Variants in SNX20 observed in about 807,000 individuals in gnomAD.
SNX20 encodes sorting nexin 20.
A neutral mutation model predicts 24.5 loss-of-function variants in SNX20; 21 were observed. That is an observed-to-expected ratio of 0.86 (90% CI 0.61 to 1.23). The LOEUF (loss-of-function observed/expected upper bound fraction) is 1.23. Among genes scored for constraint, SNX20 ranks in the 50% most tolerant of loss-of-function variants. SNX20 has a pLI of 0.00. For missense variants in SNX20, 433 were observed against 430.8 expected (o/e 1.00, Z -0.04); for synonymous variants, 206 against 192.8 (o/e 1.07, Z -0.57).
chr16:50,677,018 C>G (rs1257217966), intron 2 of SNX20, among the ~76,000 whole-genome samples: 1 of 152,222 alleles, frequency 6.6e-6, no homozygotes, highest in Non-Finnish European at 1.5e-5. Context: ...CGTCCCTTCT[C>G]CTATGCAGGG....
rs1442796992 is a variant in SNX20, at chr16:50,673,146, TA to T, written c.*259del. ...AGAGACCCTGTCTCTACTAAAAAATTAAAAATTAGCCTGGTGTGGTGGTGTG... is the reference window on the plus strand; with the variant it reads ...AGAGACCCTGTCTCTACTAAAAAATTAAAATTAGCCTGGTGTGGTGGTGTG... On this transcript the variant is annotated 3_prime_UTR_variant, in exon 4 of 4. Transcript: ENST00000330943. The surrounding 1 kb of genome is among the most constrained non-coding windows in gnomAD (Gnocchi z 4.1). The T allele has an allele frequency of 7.3e-6, 3 of 409,784 alleles. No homozygotes were observed. The highest frequency in any genetic ancestry group is 6.2e-5 in the African/African-American group (3 of 48,480). 25.4% of individuals were successfully genotyped at this position (409,784 alleles called of 1,614,324 possible).
intron 1 of SNX20, among the ~76,000 whole-genome samples, chr16:50,679,765 C>G (rs533244278): frequency 7.2e-5 from 11 of 152,322 alleles, no homozygotes; most frequent in Admixed American, 5.2e-4. Flanking sequence ...TACATTCTGA[C>G]TGGTGCCTAA....
rs1336337263 is a variant in SNX20, at chr16:50,673,941, T to G, written c.416A>C (p.Glu139Ala). The change falls in exon 4 of 4, where the codon GAG becomes GCG. Residue 139 changes from glutamate to alanine, a missense_variant. Physicochemically the swap from Glu to Ala is moderately radical, Grantham distance 107. Transcript: ENST00000330943. This position sits in a 1 kb window ranked among gnomAD's most constrained non-coding sequence, Gnocchi z 4.1. ...KTFREEIEDV[E>A]FPRKHLTGNF... Reference sequence around the variant, plus strand: ...CCCAGTCAGGTGCTTCCTGGGAAACTCCACGTCTTCGATCTCCTCCCTGAA... The same window carrying G: ...CCCAGTCAGGTGCTTCCTGGGAAACGCCACGTCTTCGATCTCCTCCCTGAA... 4.3e-6 allele frequency: 7 copies of G among 1,613,016 alleles called. No individual in the cohort carries two copies. Among genetic ancestry groups the G allele is most frequent in the Non-Finnish European group, 5.9e-6 (7 of 1,179,740 alleles).
chr16:50,668,172 T>G, downstream of SNX20: 1 of 1,532,088 alleles, frequency 6.5e-7, no homozygotes, highest in South Asian at 1.2e-5. Context: ...TCCAGGGTGC[T>G]TGGGCAAGAC....
Position 50,677,530 on chromosome 16 carries a change from C to T in SNX20, c.-4G>A. On this transcript the variant is annotated 5_prime_UTR_variant, in exon 2 of 4. Transcript: ENST00000330943. The stretch of plus-strand genomic sequence containing the variant: ...CAGGGTGCTCTGGACTTGCCATGCT[C>T]CAAGGCTGCCAGAGGAAAAAGAGAA... The T allele has an allele frequency of 1.3e-6, 2 of 1,565,184 alleles. No homozygotes were observed. Among genetic ancestry groups the T allele is most frequent in the Non-Finnish European group, 1.7e-6 (2 of 1,151,978 alleles).
chr16:50,673,636 C>A lies in SNX20; in HGVS notation c.721G>T (p.Asp241Tyr). ...GCCGCGAAGGCCTCGGCGGGGCGGTCGAGGTCGCGGTGGCACAGCAGCACG... is the reference window on the plus strand; with the variant it reads ...GCCGCGAAGGCCTCGGCGGGGCGGTAGAGGTCGCGGTGGCACAGCAGCACG... Reference protein sequence around the residue: ...CAVLLCHRDLDRPAEAFAAGE... With the variant: ...CAVLLCHRDLYRPAEAFAAGE... The change falls in exon 4 of 4, where the codon GAC becomes TAC. Residue 241 changes from aspartate to tyrosine, a missense_variant. Asp to Tyr is a radical substitution (Grantham distance 160, BLOSUM62 -3). Transcript: ENST00000330943. The surrounding 1 kb of genome is among the most constrained non-coding windows in gnomAD (Gnocchi z 4.1). The A allele has an allele frequency of 1.3e-6, 2 of 1,540,452 alleles. No homozygotes were observed. Among genetic ancestry groups the A allele is most frequent in the Non-Finnish European group, 8.7e-7 (1 of 1,153,148 alleles).
rs1354281948 is a variant in SNX20 at position 50,673,745 on chromosome 16, G to A, written c.612C>T (p.Ala204=). ...GCLRAGQYPR[A]LELLLRVLPL... is the part of the protein sequence containing the mutation. ...GCAGCACGCGCAGCAGCAGCTCCAG[G>A]GCGCGCGGGTACTGGCCGGCCCGCA... The change falls in exon 4 of 4, where the codon GCC becomes GCT. Residue 204 remains alanine (A), a synonymous_variant. Transcript: ENST00000330943. The surrounding 1 kb of genome is among the most constrained non-coding windows in gnomAD (Gnocchi z 4.1). 1.7e-5 allele frequency: 25 copies of A among 1,507,372 alleles called. No homozygotes were observed. Among genetic ancestry groups the A allele is most frequent in the Non-Finnish European group, 2.1e-5 (24 of 1,135,278 alleles). 93.4% of individuals were successfully genotyped at this position (1,507,372 alleles called of 1,614,324 possible).
downstream of SNX20, chr16:50,667,925 A>G: frequency 7.8e-7 from 1 of 1,282,728 alleles, no homozygotes; most frequent in Admixed American, 2.0e-5. Context: ...GGCAACAGCT[A>G]GATGGGTAGG....
downstream of SNX20, chr16:50,668,826 G>A: frequency 7.7e-7 from 1 of 1,294,944 alleles, no homozygotes. Context: ...TTCCAGCTAT[G>A]GGGACAGCCA....
At chr16:50,676,825 C>G (rs1009171246) in intron 2 of SNX20, among the ~76,000 whole-genome samples, 1 of 152,234 alleles carries the variant, frequency 6.6e-6, no homozygotes. Flanking sequence ...GGGCCAGGAA[C>G]AGAGCAGGTA....
At chr16:50,677,265 T>G in intron 2 of SNX20, 132 bp downstream of exon 2, 1 of 1,177,488 alleles carries the variant, frequency 8.5e-7, no homozygotes, top group Non-Finnish European at 1.2e-6. Flanking sequence ...TGTGTCTCAG[T>G]GTCTGTTTTG....
intron 1 of SNX20, among the ~76,000 whole-genome samples, chr16:50,679,627 A>G (rs1229408764): frequency 6.6e-6 from 1 of 152,182 alleles, no homozygotes; most frequent in African/African-American, 2.4e-5. Flanking sequence ...ATCGCCTTCC[A>G]TCCTGACCAA....
Position 50,673,261 on chromosome 16 carries a change from A to G in SNX20, c.*145T>C. The stretch of plus-strand genomic sequence containing the variant: ...GGCTGCAGTGAGACATAATTGAGCC[A>G]CTGCACTTCAGTCTGGGTGACAGAG... On this transcript the variant is annotated 3_prime_UTR_variant, in exon 4 of 4. Coordinates refer to ENST00000330943, the MANE Select transcript of SNX20 (RefSeq NM_182854.4). This position sits in a 1 kb window ranked among gnomAD's most constrained non-coding sequence, Gnocchi z 4.1. The G allele has an allele frequency of 1.2e-5, 15 of 1,272,784 alleles. No individual in the cohort carries two copies. The highest frequency in any genetic ancestry group is 1.5e-5 in the Non-Finnish European group (15 of 1,003,924). The allele number at this position is 1,272,784 out of a possible 1,614,324, so 78.8% of individuals were successfully genotyped here. A position where few individuals can be genotyped will look rare whatever the true frequency, so the allele number is the denominator to read the frequency against.
In SNX20 at chr16:50,673,962, C is replaced by G; in HGVS notation, c.395G>C (p.Arg132Thr). The G allele has an allele frequency of 6.2e-7, 1 of 1,613,430 alleles. No homozygotes were observed. The change falls in exon 4 of 4, where the codon AGG becomes ACG. Residue 132 changes from arginine (R) to threonine (T), a missense_variant. Arg to Thr is a moderately conservative substitution (Grantham distance 71, BLOSUM62 -1). Coordinates refer to ENST00000330943, the MANE Select transcript of SNX20 (RefSeq NM_182854.4). This position sits in a 1 kb window ranked among gnomAD's most constrained non-coding sequence, Gnocchi z 4.1. The part of the protein sequence containing the change: ...KLQKALLKTF[R>T]EEIEDVEFPR... ...AAACTCCACGTCTTCGATCTCCTCC[C>G]TGAACGTCTTCAGCAGCGCTTTCTG...
In SNX20 at chr16:50,672,495, C is replaced by CTG. The variant is rs1963071009; in HGVS notation, c.*910_*911insCA. 1.7e-5 allele frequency: 2 copies of CTG among 115,390 alleles called. No homozygotes were observed. Among genetic ancestry groups the CTG allele is most frequent in the Non-Finnish European group, 3.4e-5 (2 of 58,394 alleles). The allele number at this position is 115,390 out of a possible 1,614,324, so 7.1% of individuals were successfully genotyped here. On this transcript the variant is annotated 3_prime_UTR_variant, in exon 4 of 4. Transcript: ENST00000330943. ...TCAAAAGGATGGCATACAACTCCCA[C>CTG]CGTGTGTGTGTGTGTGTGTGTGTGT...
At chr16:50,669,700 C>T (rs1160054828), downstream of SNX20, 4 of 152,490 alleles carry the variant, frequency 2.6e-5, no homozygotes, top group Non-Finnish European at 5.9e-5. Flanking sequence ...AAATTAAAGC[C>T]TGGTCTTAAT....
At chr16:50,679,715 T>A (rs1963256828) in intron 1 of SNX20, among the ~76,000 whole-genome samples, 1 of 152,158 alleles carries the variant, frequency 6.6e-6, no homozygotes, top group African/African-American at 2.4e-5. Flanking sequence ...ACAAGCCCCG[T>A]CCTGTTGATA....
rs777479037 is a variant in SNX20 at position 50,673,463 on chromosome 16, C to T, written c.894G>A (p.Arg298=). 5.6e-6 allele frequency: 9 copies of T among 1,597,350 alleles called. No homozygotes were observed. Among genetic ancestry groups the T allele is most frequent in the Middle Eastern group, 1.7e-4 (1 of 5,894 alleles). Residue 298 remains arginine, a synonymous_variant, in exon 4 of 4, where the codon AGG becomes AGA. Coordinates refer to ENST00000330943, the MANE Select transcript of SNX20 (RefSeq NM_182854.4). The surrounding 1 kb of genome is among the most constrained non-coding windows in gnomAD (Gnocchi z 4.1). ...QERLEESQLR[R]PTPRGITLKE... ...TCAGGGTGATGCCTCGGGGCGTGGG[C>T]CTCCGGAGCTGGCTCTCCTCCAGCC...
chr16:50,669,138 G>T (rs763244920), downstream of SNX20: 2 of 1,335,660 alleles, frequency 1.5e-6, no homozygotes, highest in South Asian at 2.5e-5. Flanking sequence ...TCCAGGCCTT[G>T]ATTTCCCCAT....
Sources: gnomAD v4.1 joint callset for allele counts (sites outside exome capture counted in the v4.1 genomes callset) on GRCh38, gnomAD v4.1.1 for gene constraint, Gnocchi (gnomAD v3.1) non-coding constraint, MANE v1.5 for transcripts, NCBI Gene and HGNC (gene_info 2026-07-23, HGNC 2026-07-21) for gene names.